Variants in ALMS1 observed in about 807,000 individuals in gnomAD.
The protein encoded by ALMS1 is ALMS1 centrosome and basal body associated protein, also known as centrosome-associated protein ALMS1.
ALMS1 carries 271 observed loss-of-function variants against 352.2 expected under a neutral mutation model. The ratio of observed to expected loss-of-function variants is 0.77; its 90% CI spans 0.70 to 0.85. The LOEUF is 0.85. ALMS1 is among the 40% of genes least tolerant of loss of function. ALMS1 has a pLI of 0.00. For synonymous variants in ALMS1, 1,865 were observed against 1,761.2 expected, an observed-to-expected ratio of 1.06 and a Z score of -1.48; for missense variants, 5,445 against 4,870.7, an observed-to-expected ratio of 1.12 and a Z score of -3.51.
At chr2:73,541,782 T>C (rs1674188216) in intron 12 of ALMS1, among the ~76,000 whole-genome samples, 1 of 152,172 alleles carries the variant, frequency 6.6e-6, no homozygotes. Context: ...AATGGATAAA[T>C]TCCTCAACAC....
intron 1 of ALMS1, among the ~76,000 whole-genome samples, chr2:73,397,034 C>T (rs1338650885): frequency 6.6e-6 from 1 of 152,176 alleles, no homozygotes; most frequent in African/African-American, 2.4e-5. Flanking sequence ...CCCCAACCCC[C>T]TCCCCCTAAC....
At chr2:73,462,111 A>C (rs1051984454) in intron 9 of ALMS1, among the ~76,000 whole-genome samples, 2 of 152,096 alleles carry the variant, frequency 1.3e-5, no homozygotes, top group African/African-American at 4.8e-5. Flanking sequence ...AGAACGCCAC[A>C]AAGATACTCC....
chr2:73,474,416 G>A (rs1178829608), intron 9 of ALMS1, among the ~76,000 whole-genome samples: 1 of 70,188 alleles, frequency 1.4e-5, no homozygotes, highest in Admixed American at 1.6e-4. Flanking sequence ...TGTGTCTATT[G>A]GTTTACATGA....
chr2:73,427,489 A>G (rs1417635940), intron 6 of ALMS1, among the ~76,000 whole-genome samples: 5 of 151,990 alleles, frequency 3.3e-5, no homozygotes, highest in Admixed American at 3.3e-4. Context: ...AAAATTTTAT[A>G]TCAGCCTTTT....
chr2:73,498,372 G>A (rs1673151578), intron 10 of ALMS1, among the ~76,000 whole-genome samples: 1 of 152,016 alleles, frequency 6.6e-6, no homozygotes, highest in Non-Finnish European at 1.5e-5. Flanking sequence ...TGTGAAGAAT[G>A]GGGTACATCC....
intron 7 of ALMS1, among the ~76,000 whole-genome samples, chr2:73,442,531 C>T (rs904672662): frequency 2.6e-5 from 4 of 152,192 alleles, no homozygotes; most frequent in East Asian, 1.9e-4. Flanking sequence ...CAAATTCTTT[C>T]TCAGAGAGGG....
intron 16 of ALMS1, among the ~76,000 whole-genome samples, chr2:73,595,575 T>C (rs1181895917): frequency 6.6e-6 from 1 of 152,236 alleles, no homozygotes; most frequent in African/African-American, 2.4e-5. Context: ...TTTTTTTGGA[T>C]GTGAATGCTG....
Position 73,451,521 on chromosome 2 carries a change from A to G in ALMS1, c.4994A>G (p.Tyr1665Cys), listed in dbSNP as rs1558649841. Residue 1665 changes from tyrosine to cysteine, a missense_variant, in exon 8 of 23, where the codon TAC (tyrosine) becomes TGC (cysteine). Tyr to Cys is a radical substitution (Grantham distance 194). Transcript: ENST00000613296. The stretch of plus-strand genomic sequence containing the variant: ...ACATTACCAGTACATTCTACTAGCT[A>G]CTCAAATAGGGGGAAGCCTGTCATT... Reference protein sequence around the residue: ...TETLPVHSTSYSNRGKPVIFY... With the variant: ...TETLPVHSTSCSNRGKPVIFY... 2.5e-6 allele frequency: 4 copies of G among 1,613,988 alleles called. No homozygotes were observed. The highest frequency in any genetic ancestry group is 3.4e-6 in the Non-Finnish European group (4 of 1,179,968).
At chr2:73,570,614 C>T (rs975305313) in intron 15 of ALMS1, among the ~76,000 whole-genome samples, 1 of 137,492 alleles carries the variant, frequency 7.3e-6, no homozygotes, top group South Asian at 2.2e-4. Flanking sequence ...AACATACATA[C>T]TAAATGATGT....
intron 6 of ALMS1, among the ~76,000 whole-genome samples, chr2:73,430,580 C>CA (rs1671479853): frequency 6.6e-6 from 1 of 152,152 alleles, no homozygotes; most frequent in South Asian, 2.1e-4. Context: ...CAGTTAGTGA[C>CA]AGACTGCATA....
upstream of ALMS1, chr2:73,385,774 G>A (rs1287580351): frequency 3.3e-6 from 2 of 608,682 alleles, no homozygotes; most frequent in Non-Finnish European, 5.8e-6. Context: ...GCGGCACTGC[G>A]CCTAAGCTGG....
chr2:73,533,729 A>G (rs572442693), intron 11 of ALMS1, among the ~76,000 whole-genome samples: 19 of 152,208 alleles, frequency 1.2e-4, no homozygotes, highest in Admixed American at 8.5e-4. Flanking sequence ...AAAAATGTCC[A>G]TAATAGTAAG....
intron 15 of ALMS1, among the ~76,000 whole-genome samples, chr2:73,564,875 A>G (rs924748968): frequency 6.6e-6 from 1 of 152,230 alleles, no homozygotes; most frequent in Non-Finnish European, 1.5e-5. Flanking sequence ...ATTTATCCTC[A>G]GAATTTATAA....
chr2:73,464,231 A>C (rs527714066), intron 9 of ALMS1, among the ~76,000 whole-genome samples: 2 of 152,282 alleles, frequency 1.3e-5, no homozygotes, highest in South Asian at 4.1e-4. Flanking sequence ...GCAGCACATC[A>C]AAAAGCTTAT....
At chr2:73,501,454 C>G (rs905570866) in intron 10 of ALMS1, among the ~76,000 whole-genome samples, 2 of 151,972 alleles carry the variant, frequency 1.3e-5, no homozygotes, top group Non-Finnish European at 2.9e-5. Flanking sequence ...ACTTTGTGAT[C>G]AAGTCTGTGA....
rs184659377 is a variant in ALMS1, at chr2:73,485,590, G to T, written c.7675-4044G>T. 3.2e-3 allele frequency among the ~76,000 whole-genome samples: 488 copies of T among 152,344 alleles called. 2 individuals carry two copies. Among genetic ancestry groups the T allele is most frequent in the African/African-American group, 0.011 (470 of 41,586 alleles). ...AGGCAGGCAGGCCTCCTTGAGCTGT[G>T]GTGGGCTCCACCCAGTTCGAGCTTC... On this transcript the variant is annotated intron_variant, in intron 9 of 22. Coordinates refer to ENST00000613296, the MANE Select transcript of ALMS1 (RefSeq NM_001378454.1).
intron 3 of ALMS1, 26 bp from the exon 4 acceptor site, chr2:73,422,831 A>G (rs1271092890): frequency 1.3e-6 from 2 of 1,553,004 alleles, no homozygotes; most frequent in Non-Finnish European, 1.8e-6. Flanking sequence ...AGCATTACCC[A>G]GCATTTAATA....
At position 73,438,289 on chromosome 2, in the gene ALMS1, G is replaced by T. The variant is rs751293337; in HGVS notation, c.1432+5998G>T. Among the ~76,000 whole-genome samples the T allele has an allele frequency of 1.2e-3, 180 of 152,046 alleles. 3 individuals are homozygous for T. The highest frequency in any genetic ancestry group is 3.8e-4 in the Non-Finnish European group (26 of 68,016). On this transcript the variant is annotated intron_variant, in intron 7 of 22. Transcript: ENST00000613296. ...TATTTTTTTATTGGCAAACCTCTGG[G>T]TCCTATTTTATAACAAGCAGAAAGT...
chr2:73,393,811 G>A (rs553389192), intron 1 of ALMS1, among the ~76,000 whole-genome samples: 19 of 151,428 alleles, frequency 1.3e-4, no homozygotes, highest in Admixed American at 1.1e-3. Flanking sequence ...CTTATTCCAG[G>A]AAACACTTTT....
Sources: allele counts gnomAD v4.1 joint callset (sites outside exome capture counted in the v4.1 genomes callset), GRCh38; gene constraint gnomAD v4.1.1; transcripts MANE v1.5; gene names NCBI Gene and HGNC (gene_info 2026-07-23, HGNC 2026-07-21).